EPB41L2: variants seen among roughly 807,000 people sequenced by gnomAD.
The protein encoded by EPB41L2 is erythrocyte membrane protein band 4.1 like 2.
In EPB41L2, 43 loss-of-function variants were observed where a neutral mutation model predicts 113.0. That is an observed-to-expected ratio of 0.38 (90% confidence interval 0.30 to 0.49). The LOEUF is 0.49. Ranked by LOEUF, EPB41L2 falls within the 20% of genes least tolerant of loss-of-function variation. The pLI is 0.95. For missense variants in EPB41L2, 1,147 were observed against 1,223.4 expected (o/e 0.94, Z 0.93); for synonymous variants, 442 against 436.7 (o/e 1.01, Z -0.15).
intron 1 of EPB41L2, chr6:131,015,858 G>GT (rs1310818271): frequency 4.6e-5 from 7 of 151,956 alleles, no homozygotes; most frequent in African/African-American, 1.4e-4. Flanking sequence ...TTTGCACACA[G>GT]TAAGTTCAGG....
At chr6:130,845,879 A>G (rs1412169794) in intron 19 of EPB41L2, among the ~76,000 whole-genome samples, 2 of 152,244 alleles carry the variant, frequency 1.3e-5, no homozygotes, top group Non-Finnish European at 2.9e-5. Flanking sequence ...AACAATGTCT[A>G]GAGGAAAAGC....
At chr6:130,851,888 C>G (rs926132964) in intron 19 of EPB41L2, among the ~76,000 whole-genome samples, 1 of 152,156 alleles carries the variant, frequency 6.6e-6, no homozygotes, top group East Asian at 1.9e-4. Flanking sequence ...GTTTCCCAGA[C>G]CTCAGCTCTG....
At chr6:130,901,876 ACATGCTTAAG>A (rs1260694313) in intron 6 of EPB41L2, among the ~76,000 whole-genome samples, 2 of 152,266 alleles carry the variant, frequency 1.3e-5, no homozygotes, top group Non-Finnish European at 2.9e-5. Flanking sequence ...AATATCTGGT[ACATGCTTAAG>A]AATCAATAAC....
intron 4 of EPB41L2, among the ~76,000 whole-genome samples, chr6:130,919,546 C>A (rs1199291482): frequency 6.6e-6 from 1 of 152,160 alleles, no homozygotes; most frequent in Non-Finnish European, 1.5e-5. Context: ...CATCTTTGAA[C>A]ATTCATCCTT....
chr6:131,019,288 A>C (rs1788938011), intron 1 of EPB41L2, among the ~76,000 whole-genome samples: 1 of 152,136 alleles, frequency 6.6e-6, no homozygotes, highest in Non-Finnish European at 1.5e-5. Context: ...TATGATCTTG[A>C]TCTTCTTTAC....
rs144440933 is a variant in EPB41L2, at chr6:131,019,882, C to G, written c.-15+43273G>C. On this transcript the variant is annotated intron_variant, in intron 1 of 19. Coordinates refer to ENST00000337057, the MANE Select transcript of EPB41L2 (RefSeq NM_001431.4). ...ATGTTAGCTTAAAAATTCAAGAATGCTTTAATATATTTCTATTTTCTGGAA... is the reference window on the plus strand; with the variant it reads ...ATGTTAGCTTAAAAATTCAAGAATGGTTTAATATATTTCTATTTTCTGGAA... Among the ~76,000 whole-genome samples, 284 of 152,152 alleles carry G rather than the reference C, an allele frequency of 1.9e-3. 3 individuals carry two copies. The highest frequency in any genetic ancestry group is 2.3e-3 in the Non-Finnish European group (159 of 67,986).
intron 4 of EPB41L2, among the ~76,000 whole-genome samples, chr6:130,918,019 T>C (rs897350427): frequency 5.9e-5 from 9 of 152,202 alleles, no homozygotes; most frequent in Admixed American, 5.9e-4. Context: ...TCCCCTTTAA[T>C]ATACCTTTGC....
intron 18 of EPB41L2, among the ~76,000 whole-genome samples, chr6:130,862,160 A>C (rs1198563411): frequency 6.6e-6 from 1 of 152,198 alleles, no homozygotes; most frequent in African/African-American, 2.4e-5. Flanking sequence ...GGGGTAAAAC[A>C]GGCCAAAATA....
chr6:130,947,103 G>A (rs185677946), intron 3 of EPB41L2, among the ~76,000 whole-genome samples: 4 of 148,866 alleles, frequency 2.7e-5, no homozygotes, highest in African/African-American at 1.0e-4. Context: ...ACTTTGCTAG[G>A]TCCTGTATAC....
intron 3 of EPB41L2, among the ~76,000 whole-genome samples, chr6:130,942,714 T>C (rs1429774214): frequency 2.0e-5 from 3 of 152,336 alleles, no homozygotes; most frequent in Admixed American, 6.5e-5. Flanking sequence ...TAACCTGTCA[T>C]CTACATTAGG....
chr6:130,847,778 G>T (rs536448849), intron 19 of EPB41L2, among the ~76,000 whole-genome samples: 9 of 152,286 alleles, frequency 5.9e-5, no homozygotes, highest in African/African-American at 2.2e-4. Context: ...CCCTAAAGCT[G>T]TTAAGGTCTT....
At chr6:130,859,108 T>A (rs1261197396) in intron 18 of EPB41L2, among the ~76,000 whole-genome samples, 1 of 152,220 alleles carries the variant, frequency 6.6e-6, no homozygotes, top group African/African-American at 2.4e-5. Flanking sequence ...AAGAGTGTTG[T>A]GGCACAATGG....
intron 1 of EPB41L2, among the ~76,000 whole-genome samples, chr6:131,042,089 T>C (rs1405648026): frequency 6.6e-6 from 1 of 152,146 alleles, no homozygotes; most frequent in African/African-American, 2.4e-5. Context: ...ACTGGCCATA[T>C]GGGAGTAATT....
intron 5 of EPB41L2, among the ~76,000 whole-genome samples, chr6:130,907,596 T>C (rs1278859187): frequency 6.6e-6 from 1 of 151,818 alleles, no homozygotes; most frequent in Non-Finnish European, 1.5e-5. Context: ...AAAGACGTTT[T>C]TAAAAAGGAA....
At chr6:130,955,595 C>T (rs1817187924) in intron 2 of EPB41L2, among the ~76,000 whole-genome samples, 2 of 152,178 alleles carry the variant, frequency 1.3e-5, no homozygotes, top group Admixed American at 1.3e-4. Flanking sequence ...CAAATAATAA[C>T]ATTTCCAATT....
chr6:130,909,873 AAG>A (rs1489318298), intron 4 of EPB41L2, among the ~76,000 whole-genome samples: 3 of 152,254 alleles, frequency 2.0e-5, no homozygotes, highest in Non-Finnish European at 4.4e-5. Context: ...ACAAGGAAAT[AAG>A]AGAGGACACA....
In EPB41L2 at chr6:130,956,108, C is replaced by T. The variant is rs1427116457; in HGVS notation, c.378G>A (p.Lys126=). The change falls in exon 2 of 20, where the codon AAG becomes AAA. Residue 126 remains lysine (K), a synonymous_variant. Transcript: ENST00000337057. Reference sequence around the variant, plus strand: ...TCTGAGCCATTTCTTCAGCATCACCCTTAGCCTGTCTCTGTTCTTCTGGAA... The same window carrying T: ...TCTGAGCCATTTCTTCAGCATCACCTTTAGCCTGTCTCTGTTCTTCTGGAA... ...EPLPEEQRQA[K]GDAEEMAQKK... is the part of the protein sequence containing the mutation. 3.1e-6 allele frequency: 5 copies of T among 1,614,158 alleles called. No individual in the cohort carries two copies. Among genetic ancestry groups the T allele is most frequent in the South Asian group, 1.1e-5 (1 of 91,072 alleles).
chr6:130,973,558 C>A (rs1416313656), intron 1 of EPB41L2, among the ~76,000 whole-genome samples: 1 of 152,146 alleles, frequency 6.6e-6, no homozygotes, highest in Admixed American at 6.5e-5. Context: ...CCCCAAGTCA[C>A]TAAGCTAAAG....
At chr6:130,962,265 G>A (rs756765139) in intron 1 of EPB41L2, among the ~76,000 whole-genome samples, 6 of 152,090 alleles carry the variant, frequency 3.9e-5, no homozygotes, top group Non-Finnish European at 5.9e-5. Flanking sequence ...GGAAGAGGCA[G>A]GAGAGGTGGG....
Sources: gnomAD v4.1 joint callset for allele counts (sites outside exome capture counted in the v4.1 genomes callset) on GRCh38, gnomAD v4.1.1 for gene constraint, MANE v1.5 for transcripts, NCBI Gene and HGNC (gene_info 2026-07-23, HGNC 2026-07-21) for gene names.